Variants in TRPM3 observed in about 807,000 individuals in gnomAD.
TRPM3 encodes transient receptor potential cation channel subfamily M member 3.
TRPM3 carries 77 observed loss-of-function variants against 181.2 expected under a neutral mutation model. The observed-to-expected ratio is 0.42, with a 90% confidence interval of 0.35 to 0.51. The LOEUF (loss-of-function observed/expected upper bound fraction) is 0.51. TRPM3 is among the 20% of genes least tolerant of loss of function. The pLI is 0.01. For missense variants in TRPM3, 1,759 were observed against 2,196.7 expected (o/e 0.80, Z 3.98); for synonymous variants, 745 against 796.4 (o/e 0.94, Z 1.09).
intron 1 of TRPM3, among the ~76,000 whole-genome samples, chr9:70,923,693 G>A (rs1379676472): frequency 2.0e-5 from 3 of 151,744 alleles, no homozygotes; most frequent in East Asian, 3.9e-4. Flanking sequence ...AGACCCTGGA[G>A]AGCCAGTGAG....
In TRPM3 at chr9:71,184,215, C is replaced by T. The variant is rs2077554537; in HGVS notation, c.183+262438G>A. On this transcript the variant is annotated intron_variant, in intron 1 of 24. Coordinates refer to the TRPM3 transcript ENST00000357533. ...TTGCTATTACCTAAGAACAACAGCT[C>T]TCAAACATACCATATGGAACTGGAT... 2.6e-5 allele frequency among the ~76,000 whole-genome samples: 4 copies of T among 152,076 alleles called. 1 individual carries two copies. In the South Asian group the frequency reaches 8.3e-4, roughly 32 times the overall value.
intron 1 of TRPM3, among the ~76,000 whole-genome samples, chr9:71,143,364 A>C (rs958260041): frequency 6.6e-6 from 1 of 151,960 alleles, no homozygotes; most frequent in African/African-American, 2.4e-5. Context: ...GAAAGGCCCC[A>C]GTGGGTGTTG....
intron 7 of TRPM3, among the ~76,000 whole-genome samples, chr9:70,766,053 A>C (rs1003733177): frequency 8.5e-5 from 13 of 152,232 alleles, no homozygotes; most frequent in Middle Eastern, 3.4e-3. Context: ...GTACATCTCA[A>C]ATTAGAGGGT....
At chr9:71,217,388 A>T (rs763588968) in intron 1 of TRPM3, among the ~76,000 whole-genome samples, 56 of 152,200 alleles carry the variant, frequency 3.7e-4, no homozygotes, top group Non-Finnish European at 6.8e-4. Flanking sequence ...TGTGTGTGTC[A>T]GACAGAGGTT....
At chr9:71,350,428 A>T (rs576997021) in intron 1 of TRPM3, among the ~76,000 whole-genome samples, 20 of 152,308 alleles carry the variant, frequency 1.3e-4, no homozygotes, top group Middle Eastern at 3.4e-3. Context: ...AAACTGCAAA[A>T]AAATCTCTAG....
chr9:71,251,161 A>G (rs1310415703), intron 1 of TRPM3, among the ~76,000 whole-genome samples: 1 of 152,210 alleles, frequency 6.6e-6, no homozygotes, highest in African/African-American at 2.4e-5. Context: ...CCATATCCCA[A>G]GACTTCTACC....
At chr9:71,324,089 C>A (rs1255960754) in intron 1 of TRPM3, among the ~76,000 whole-genome samples, 1 of 152,016 alleles carries the variant, frequency 6.6e-6, no homozygotes, top group African/African-American at 2.4e-5. Flanking sequence ...TTATAGAGTT[C>A]ATTCACTAGA....
intron 1 of TRPM3, among the ~76,000 whole-genome samples, chr9:71,370,972 T>A (rs1233832323): frequency 2.6e-5 from 4 of 152,120 alleles, no homozygotes. Flanking sequence ...TGCCTGTGCT[T>A]TACAAATGGA....
Position 70,640,608 on chromosome 9 carries a change from T to A in TRPM3, c.1398A>T (p.Arg466Ser). 1 of 1,613,790 alleles carries A rather than the reference T, an allele frequency of 6.2e-7. No homozygotes were observed. The highest frequency in any genetic ancestry group is 8.5e-7 in the Non-Finnish European group (1 of 1,179,834). Residue 466 changes from arginine (R) to serine (S), a missense_variant, in exon 10 of 26, where the codon AGA (arginine) becomes AGT (serine). Around this residue, in one of 8 missense-constraint regions of TRPM3, gnomAD observed 737 missense variants for 957.4 expected, o/e 0.77. Transcript: ENST00000677713. Reference sequence around the variant, plus strand: ...AGATCTGGCTGCGAGCGATGTCGACTCTGTTCCAGGCTAAAGCTAAGCTCA... The same window carrying A: ...AGATCTGGCTGCGAGCGATGTCGACACTGTTCCAGGCTAAAGCTAAGCTCA... ...DQLSLALAWN[R>S]VDIARSQIFI... is the part of the protein sequence containing the mutation.
chr9:70,629,215 CG>C (rs550040624), intron 12 of TRPM3, among the ~76,000 whole-genome samples: 738 of 10,248 alleles, frequency 0.072, 70 homozygotes, highest in South Asian at 0.2. Flanking sequence ...TGACCAGTGC[CG>C]GGGGGGGGGG....
At chr9:70,680,345 G>A (rs1479045375) in intron 9 of TRPM3, among the ~76,000 whole-genome samples, 1 of 152,178 alleles carries the variant, frequency 6.6e-6, no homozygotes, top group African/African-American at 2.4e-5. Flanking sequence ...GAGCATGGTA[G>A]CACATGATGG....
intron 1 of TRPM3, among the ~76,000 whole-genome samples, chr9:71,213,554 A>G (rs2079647919): frequency 6.6e-6 from 1 of 152,250 alleles, no homozygotes; most frequent in Admixed American, 6.5e-5. Context: ...AGGGAGAGAT[A>G]TGACAGAAAT....
chr9:70,889,458 A>G (rs1256180174), intron 1 of TRPM3, among the ~76,000 whole-genome samples: 1 of 152,166 alleles, frequency 6.6e-6, no homozygotes, highest in Non-Finnish European at 1.5e-5. Flanking sequence ...CCACTAGACC[A>G]TGGTCAGTTT....
At chr9:71,010,484 C>T (rs751612966) in intron 1 of TRPM3, among the ~76,000 whole-genome samples, 1 of 151,952 alleles carries the variant, frequency 6.6e-6, no homozygotes, top group Non-Finnish European at 1.5e-5. Flanking sequence ...TCTGAAAAGA[C>T]GACAACAAAT....
rs938724379 is a variant in TRPM3 at position 70,533,041 on chromosome 9, T to G, written c.*2912A>C. On this transcript the variant is annotated 3_prime_UTR_variant, in exon 26 of 26. Transcript: ENST00000677713. ...GTCATTTAAGTTTGGCTTATATATT[T>G]CACACGTTTCACAGACGTTAGAACT... is the stretch of plus-strand genomic sequence containing the variant. 3.9e-5 allele frequency: 6 copies of G among 152,252 alleles called. No individual in the cohort carries two copies. Among genetic ancestry groups the G allele is most frequent in the African/African-American group, 1.4e-4 (6 of 41,470 alleles). The allele number at this position is 152,252 out of a possible 1,614,324, so 9.4% of individuals were successfully genotyped here. A position where few individuals can be genotyped will look rare whatever the true frequency, so the allele number is the denominator to read the frequency against.
chr9:71,109,715 T>C (rs1447366451), intron 1 of TRPM3, among the ~76,000 whole-genome samples: 1 of 152,100 alleles, frequency 6.6e-6, no homozygotes, highest in Non-Finnish European at 1.5e-5. Context: ...GGGCCTCAGA[T>C]GAAGAGAGAC....
chr9:70,898,597 A>T (rs2096326424), intron 1 of TRPM3, among the ~76,000 whole-genome samples: 1 of 150,558 alleles, frequency 6.6e-6, no homozygotes, highest in Non-Finnish European at 1.5e-5. Context: ...AAAATACAAA[A>T]ATTAGCCAGG....
At chr9:71,094,818 T>G (rs538651407) in intron 1 of TRPM3, among the ~76,000 whole-genome samples, 2 of 152,158 alleles carry the variant, frequency 1.3e-5, no homozygotes, top group South Asian at 2.1e-4. Flanking sequence ...GTTTAATCAT[T>G]TACATCATTA....
At chr9:71,237,443 C>G (rs1000429142) in intron 1 of TRPM3, among the ~76,000 whole-genome samples, 2 of 152,064 alleles carry the variant, frequency 1.3e-5, no homozygotes, top group Non-Finnish European at 2.9e-5. Context: ...TATTTTCCTA[C>G]AAGGTGGCTG....
Sources: allele counts gnomAD v4.1 joint callset (sites outside exome capture counted in the v4.1 genomes callset), GRCh38; gene constraint gnomAD v4.1.1; regional missense constraint gnomAD v4.1.1; transcripts MANE v1.5; gene names NCBI Gene and HGNC (gene_info 2026-07-23, HGNC 2026-07-21).